TANGO2: variants seen among roughly 807,000 people sequenced by gnomAD.
The protein encoded by TANGO2 is transport and Golgi organization protein 2 homolog.
TANGO2 carries 26 observed loss-of-function variants against 39.1 expected under a neutral mutation model. The ratio of observed to expected loss-of-function variants is 0.67; its 90% confidence interval spans 0.49 to 0.92. The LOEUF (loss-of-function observed/expected upper bound fraction) is 0.92. Ranked by LOEUF, TANGO2 falls within the 40% of genes least tolerant of loss-of-function variation. TANGO2 has a pLI of 0.00. For missense variants in TANGO2, 326 were observed against 360.1 expected (o/e 0.91, Z 0.77); for synonymous variants, 131 against 144.5 (o/e 0.91, Z 0.67).
intron 3 of TANGO2, among the ~76,000 whole-genome samples, chr22:20,044,103 G>A (rs758070546): frequency 2.0e-5 from 3 of 152,136 alleles, no homozygotes; most frequent in African/African-American, 4.8e-5. Flanking sequence ...GTGAGGCCAC[G>A]GGTTACTCTG....
At position 20,066,468 on chromosome 22, in the gene TANGO2, C is replaced by T. The variant is rs1020611283; in HGVS notation, c.*1806C>T. ...GGGTGTGGACCTGCGCCAGGGCTTC[C>T]CAGCCTGATTGTGACATGATGTGAG... is the stretch of plus-strand genomic sequence containing the variant. On this transcript the variant is annotated 3_prime_UTR_variant, in exon 9 of 9. Transcript: ENST00000327374. 6.6e-6 allele frequency: 1 copy of T among 152,374 alleles called. No individual in the cohort carries two copies. The highest frequency in any genetic ancestry group is 2.4e-5 in the African/African-American group (1 of 41,454). 9.4% of individuals were successfully genotyped at this position (152,374 alleles called of 1,614,324 possible).
intron 3 of TANGO2, among the ~76,000 whole-genome samples, chr22:20,045,564 T>A (rs2045009258): frequency 1.4e-5 from 2 of 145,230 alleles, no homozygotes; most frequent in Admixed American, 1.4e-4. Context: ...AGTGCAATGG[T>A]GCCATCTCAG....
At chr22:20,020,804 A>T (rs1451602342), upstream of TANGO2, among the ~76,000 whole-genome samples, 1 of 152,108 alleles carries the variant, frequency 6.6e-6, no homozygotes, top group Non-Finnish European at 1.5e-5. Context: ...GATGGTGTCC[A>T]TGAGGGCATG....
chr22:20,023,677 A>G (rs1339435467), intron 1 of TANGO2, among the ~76,000 whole-genome samples: 1 of 151,240 alleles, frequency 6.6e-6, no homozygotes, highest in South Asian at 2.1e-4. Context: ...ACACGGTGAA[A>G]CCCCGTCTCT....
chr22:20,042,535 G>A (rs1403660517), intron 2 of TANGO2, among the ~76,000 whole-genome samples: 2 of 152,112 alleles, frequency 1.3e-5, no homozygotes, highest in East Asian at 1.9e-4. Context: ...AGGCCGAGGC[G>A]GGTAGATCAT....
At chr22:20,034,083 T>TA (rs1242694612) in intron 1 of TANGO2, among the ~76,000 whole-genome samples, 1 of 152,140 alleles carries the variant, frequency 6.6e-6, no homozygotes, top group Admixed American at 6.5e-5. Context: ...CGCATGCCTG[T>TA]AATCCCAGCT....
intron 5 of TANGO2, chr22:20,054,896 AGAG>A (rs1422636693): frequency 6.6e-6 from 1 of 152,300 alleles, no homozygotes; most frequent in African/African-American, 2.4e-5. Context: ...CAGAAAGCCC[AGAG>A]GAGATTTTTG....
At position 20,057,132 on chromosome 22, in the gene TANGO2, G is replaced by C; in HGVS notation, c.451+1119G>C. On this transcript the variant is annotated intron_variant, in intron 6 of 8. Transcript: ENST00000327374. This position sits in a 1 kb window ranked among gnomAD's most constrained non-coding sequence, Gnocchi z 4.1. Reference sequence around the variant, plus strand: ...TGTACACGGTGGAACTGAAGCCCCAGGCGTCCCTGGAGGGGCCCGAGGGAG... The same window carrying C: ...TGTACACGGTGGAACTGAAGCCCCACGCGTCCCTGGAGGGGCCCGAGGGAG... 2.7e-6 allele frequency: 1 copy of C among 368,018 alleles called. No individual in the cohort carries two copies. The highest frequency in any genetic ancestry group is 5.4e-6 in the Non-Finnish European group (1 of 184,068). The allele number at this position is 368,018 out of a possible 1,614,324, so 22.8% of individuals were successfully genotyped here. A position where few individuals can be genotyped will look rare whatever the true frequency, so the allele number is the denominator to read the frequency against.
intron 3 of TANGO2, among the ~76,000 whole-genome samples, chr22:20,049,741 TC>T (rs1451857725): frequency 9.9e-5 from 15 of 152,054 alleles, no homozygotes; most frequent in Non-Finnish European, 7.4e-5. Context: ...CCATCCCAGT[TC>T]CTTTGCATAT....
chr22:20,051,351 G>A (rs2046316749), intron 3 of TANGO2, among the ~76,000 whole-genome samples: 1 of 151,640 alleles, frequency 6.6e-6, no homozygotes, highest in African/African-American at 2.4e-5. Flanking sequence ...GGCCAACATG[G>A]AGAAACTCCG....
At chr22:20,017,516 A>T (rs920275174), upstream of TANGO2, among the ~76,000 whole-genome samples, 3 of 151,660 alleles carry the variant, frequency 2.0e-5, no homozygotes, top group African/African-American at 7.3e-5. Flanking sequence ...GGATGTAGAG[A>T]CCTCTTGGGC....
At chr22:20,037,326 G>A (rs2043040488) in intron 2 of TANGO2, among the ~76,000 whole-genome samples, 1 of 152,096 alleles carries the variant, frequency 6.6e-6, no homozygotes, top group African/African-American at 2.4e-5. Flanking sequence ...CCAGCCAGAG[G>A]AGTCAGGAAA....
intron 7 of TANGO2, 105 bp downstream of exon 7, chr22:20,061,788 G>T (rs932795263): frequency 5.8e-6 from 8 of 1,382,264 alleles, no homozygotes; most frequent in Non-Finnish European, 7.7e-6. Context: ...TGGCCAGGCT[G>T]GGTCCCCAGC....
chr22:20,035,801 G>A (rs2042732409), intron 1 of TANGO2, among the ~76,000 whole-genome samples: 2 of 152,208 alleles, frequency 1.3e-5, no homozygotes, highest in South Asian at 4.1e-4. Context: ...TGCAGGGGAG[G>A]AGATGTGCAT....
At chr22:20,020,411 C>T (rs2039484063), upstream of TANGO2, among the ~76,000 whole-genome samples, 1 of 152,098 alleles carries the variant, frequency 6.6e-6, no homozygotes, top group African/African-American at 2.4e-5. Flanking sequence ...GTTGGGAGGG[C>T]CCCAGTCAGT....
rs969875632 is a variant in TANGO2, at chr22:20,057,741, T to C, written c.451+1728T>C. ...TGGAATGTGTGGCGAAGTAGGTCTG[T>C]GGCAGTGGAGTTGGGCCATGCTGAG... On this transcript the variant is annotated intron_variant, in intron 6 of 8. Transcript: ENST00000327374. This position sits in a 1 kb window ranked among gnomAD's most constrained non-coding sequence, Gnocchi z 4.1. 1.3e-5 allele frequency among the ~76,000 whole-genome samples: 2 copies of C among 152,284 alleles called. No homozygotes were observed. Among genetic ancestry groups the C allele is most frequent in the Middle Eastern group, 3.4e-3 (1 of 294 alleles).
At chr22:20,018,602 C>T (rs1313598673), upstream of TANGO2, among the ~76,000 whole-genome samples, 1 of 152,156 alleles carries the variant, frequency 6.6e-6, no homozygotes, top group Non-Finnish European at 1.5e-5. Context: ...AAAATCTGTG[C>T]AAGTGAGACT....
In TANGO2 at chr22:20,061,597, C is replaced by G; in HGVS notation, c.519C>G (p.Leu173=). The stretch of plus-strand genomic sequence containing the variant: ...GGAAGCTGTGCTTTGGGAAGCAGCT[C>G]TTCCTGGAGGCTGTGGAACGGAGCC... ...PWRKLCFGKQ[L]FLEAVERSQA... Residue 173 remains leucine (L), a synonymous_variant, in exon 7 of 9, where the codon CTC becomes CTG. Transcript: ENST00000327374. The G allele has an allele frequency of 6.3e-7, 1 of 1,595,408 alleles. No homozygotes were observed. Among genetic ancestry groups the G allele is most frequent in the East Asian group, 2.3e-5 (1 of 44,396 alleles).
intron 1 of TANGO2, among the ~76,000 whole-genome samples, chr22:20,033,435 T>C (rs1228782988): frequency 1.6e-4 from 24 of 152,240 alleles, no homozygotes; most frequent in Admixed American, 1.6e-3. Context: ...CTGTCTGTCC[T>C]ACGTGTATCA....
Sources: allele counts gnomAD v4.1 joint callset (sites outside exome capture counted in the v4.1 genomes callset), GRCh38; gene constraint gnomAD v4.1.1; non-coding constraint Gnocchi (gnomAD v3.1); transcripts MANE v1.5; gene names NCBI Gene and HGNC (gene_info 2026-07-23, HGNC 2026-07-21).